Variants in DAB1 observed in about 807,000 individuals in gnomAD.
The protein encoded by DAB1 is disabled homolog 1.
A neutral mutation model predicts 64.6 loss-of-function variants in DAB1; 15 were observed. That is an observed-to-expected ratio of 0.23 (90% CI 0.16 to 0.36). DAB1 has a LOEUF of 0.36. Among genes scored for constraint, DAB1 ranks in the 10% least tolerant of loss-of-function variants. The pLI is 1.00. For missense variants in DAB1, 596 were observed against 706.7 expected, an observed-to-expected ratio of 0.84 and a Z score of 1.78; for synonymous variants, 235 against 251.9, an observed-to-expected ratio of 0.93 and a Z score of 0.64.
chr1:57,756,355 A>G (rs969882732), intron 6 of DAB1, among the ~76,000 whole-genome samples: 1 of 152,194 alleles, frequency 6.6e-6, no homozygotes, highest in Non-Finnish European at 1.5e-5. Context: ...AGTTCATAGG[A>G]GAAAGGTGTA....
At chr1:57,780,709 CTTTCTTTT>C (rs1650024364) in intron 6 of DAB1, among the ~76,000 whole-genome samples, 1 of 151,656 alleles carries the variant, frequency 6.6e-6, no homozygotes, top group Admixed American at 6.6e-5. Context: ...TTCCTTCCTT[CTTTCTTTT>C]TTTCTTTTCT....
intron 4 of DAB1, among the ~76,000 whole-genome samples, chr1:58,200,843 T>C (rs1657957515): frequency 6.6e-6 from 1 of 152,194 alleles, no homozygotes. Flanking sequence ...CATGAGTTGT[T>C]TAAAACTAAC....
intron 4 of DAB1, among the ~76,000 whole-genome samples, chr1:58,217,134 T>G (rs150206718): frequency 6.1e-4 from 93 of 152,354 alleles, no homozygotes; most frequent in Non-Finnish European, 1.1e-3. Context: ...ATACTTTCTA[T>G]ACATTAATTC....
intron 1 of DAB1, among the ~76,000 whole-genome samples, chr1:57,314,678 G>A (rs998672337): frequency 3.9e-5 from 6 of 151,928 alleles, no homozygotes; most frequent in African/African-American, 1.5e-4. Context: ...AACTACTTGG[G>A]AAGTTGAGGC....
At chr1:58,064,876 C>T (rs1648753488) in intron 5 of DAB1, among the ~76,000 whole-genome samples, 1 of 152,118 alleles carries the variant, frequency 6.6e-6, no homozygotes, top group South Asian at 2.1e-4. Flanking sequence ...GCGCCCGCCA[C>T]CACGCCCGGC....
chr1:57,507,848 AC>A (rs1001725065), intron 7 of DAB1, among the ~76,000 whole-genome samples: 2 of 152,094 alleles, frequency 1.3e-5, no homozygotes, highest in African/African-American at 4.8e-5. Context: ...CCTGCCTCCT[AC>A]CTTTTGCTGA....
At chr1:58,058,467 G>T (rs1356188743) in intron 5 of DAB1, among the ~76,000 whole-genome samples, 1 of 152,080 alleles carries the variant, frequency 6.6e-6, no homozygotes, top group African/African-American at 2.4e-5. Flanking sequence ...AGCCACGCTC[G>T]ACTGTTGCAT....
chr1:57,832,945 C>T (rs1435891198), intron 1 of DAB1, among the ~76,000 whole-genome samples: 1 of 152,002 alleles, frequency 6.6e-6, no homozygotes, highest in Non-Finnish European at 1.5e-5. Flanking sequence ...TCTTTTCCTT[C>T]TCCATCACAA....
intron 7 of DAB1, among the ~76,000 whole-genome samples, chr1:57,530,827 A>G (rs969375923): frequency 5.9e-5 from 9 of 152,316 alleles, no homozygotes; most frequent in African/African-American, 2.2e-4. Context: ...ACAGGAAGGC[A>G]TTAAAAAGCA....
At chr1:57,791,246 C>G (rs898107113) in intron 6 of DAB1, among the ~76,000 whole-genome samples, 1 of 152,104 alleles carries the variant, frequency 6.6e-6, no homozygotes, top group Admixed American at 6.5e-5. Context: ...ATGCCCTAGG[C>G]CCCCCTGTGT....
chr1:58,255,227 C>T lies in DAB1; in HGVS notation n.309+88125G>A, dbSNP rs557306262. ...TTGAGAAGTGTCTGTTCATGTCCTT[C>T]GCCCACTTTTTGATGGGGTTGTTTG... is the stretch of plus-strand genomic sequence containing the variant. On this transcript the variant is annotated intron_variant and non_coding_transcript_variant, in intron 4 of 20. Coordinates refer to the DAB1 transcript ENST00000485760. Among the ~76,000 whole-genome samples the T allele has an allele frequency of 7.1e-4, 106 of 149,908 alleles. 1 individual carries two copies. The highest frequency in any genetic ancestry group is 2.0e-3 in the African/African-American group (80 of 40,620).
At position 58,419,682 on chromosome 1, in the gene DAB1, A is replaced by G. The variant is rs373998048; in HGVS notation, n.258-76279T>C. Among the ~76,000 whole-genome samples, 5 of 152,136 alleles carry G rather than the reference A, an allele frequency of 3.3e-5. No homozygotes were observed. The East Asian group carries it at 7.7e-4, about 23-fold the overall frequency. ...GTAGGTGTAGCCATTCAAACGCCCA[A>G]TTTGAGGACTGGACAGTGGGAGAAA... On this transcript the variant is annotated intron_variant and non_coding_transcript_variant, in intron 3 of 20. Transcript: ENST00000485760.
intron 1 of DAB1, among the ~76,000 whole-genome samples, chr1:57,867,792 G>T (rs61770275): frequency 0.035 from 5,378 of 152,206 alleles, 144 homozygotes; most frequent in Non-Finnish European, 0.056. Context: ...TGCAAATCCA[G>T]TGCCCTTTCT....
chr1:58,101,126 C>A (rs567384411), intron 5 of DAB1, among the ~76,000 whole-genome samples: 2 of 152,176 alleles, frequency 1.3e-5, no homozygotes, highest in African/African-American at 4.8e-5. Flanking sequence ...ACCATCCTGG[C>A]TAACACGGTG....
At chr1:57,153,874 T>C (rs1370355793) in intron 2 of DAB1, among the ~76,000 whole-genome samples, 2 of 151,778 alleles carry the variant, frequency 1.3e-5, no homozygotes, top group African/African-American at 2.4e-5. Context: ...CTCCTGACCT[T>C]GTGATCCACC....
intron 5 of DAB1, among the ~76,000 whole-genome samples, chr1:57,978,415 T>A (rs1321083024): frequency 1.3e-5 from 2 of 151,930 alleles, no homozygotes; most frequent in Non-Finnish European, 2.9e-5. Context: ...AAAAATCAAC[T>A]CAAGATGGAT....
Position 57,547,800 on chromosome 1 carries a change from A to T in DAB1, n.625+101792T>A, listed in dbSNP as rs551908185. 5.0e-4 allele frequency among the ~76,000 whole-genome samples: 76 copies of T among 152,204 alleles called. 1 individual carries two copies. Among genetic ancestry groups the T allele is most frequent in the Non-Finnish European group, 1.0e-3 (70 of 68,024 alleles). Reference sequence around the variant, plus strand: ...TGCATCATGGTTATGTAAGAAGTCAATATTAGGAGAAACTGAGTGACGAGT... The same window carrying T: ...TGCATCATGGTTATGTAAGAAGTCATTATTAGGAGAAACTGAGTGACGAGT... On this transcript the variant is annotated intron_variant and non_coding_transcript_variant, in intron 7 of 20. Coordinates refer to the DAB1 transcript ENST00000485760.
chr1:57,248,249 T>G (rs1669038689), intron 2 of DAB1, among the ~76,000 whole-genome samples: 1 of 152,188 alleles, frequency 6.6e-6, no homozygotes, highest in African/African-American at 2.4e-5. Context: ...TTTTGTTATT[T>G]TTATTGTTTT....
At chr1:57,067,726 G>A (rs2100584240) in intron 8 of DAB1, among the ~76,000 whole-genome samples, 1 of 152,208 alleles carries the variant, frequency 6.6e-6, no homozygotes, top group East Asian at 1.9e-4. Flanking sequence ...TTACAGATGA[G>A]TAAACTGAAG....
Sources: allele counts gnomAD v4.1 joint callset (sites outside exome capture counted in the v4.1 genomes callset), GRCh38; gene constraint gnomAD v4.1.1; transcripts MANE v1.5; gene names NCBI Gene and HGNC (gene_info 2026-07-23, HGNC 2026-07-21).